Variants in CCDC171 observed in about 807,000 individuals in gnomAD.
CCDC171 encodes coiled-coil domain-containing protein 171.
A neutral mutation model predicts 168.2 loss-of-function variants in CCDC171; 177 were observed. The observed-to-expected ratio is 1.05, with a 90% CI of 0.93 to 1.19. The LOEUF (loss-of-function observed/expected upper bound fraction) is 1.19. Among genes scored for constraint, CCDC171 ranks in the 50% most tolerant of loss-of-function variants. CCDC171 has a pLI of 0.00. For missense variants in CCDC171, 1,991 were observed against 1,539.0 expected, an observed-to-expected ratio of 1.29 and a Z score of -4.91; for synonymous variants, 687 against 540.8, an observed-to-expected ratio of 1.27 and a Z score of -3.75.
chr9:16,019,987 C>T (rs752585784), intron 3 of CCDC171, among the ~76,000 whole-genome samples: 1 of 152,070 alleles, frequency 6.6e-6, no homozygotes, highest in Non-Finnish European at 1.5e-5. Context: ...TATAATAGTT[C>T]CCCTTTATCT....
intron 12 of CCDC171, among the ~76,000 whole-genome samples, 174 bp downstream of exon 12, chr9:15,722,049 T>C (rs937487207): frequency 4.6e-5 from 7 of 152,232 alleles, no homozygotes; most frequent in Non-Finnish European, 1.0e-4. Context: ...CCTAAAGTCA[T>C]GTCTCACTTA....
At chr9:15,846,498 A>G (rs1256110719) in intron 21 of CCDC171, among the ~76,000 whole-genome samples, 1 of 152,152 alleles carries the variant, frequency 6.6e-6, no homozygotes, top group African/African-American at 2.4e-5. Context: ...GTATTTTGTA[A>G]CAATTTCCCA....
intron 7 of CCDC171, among the ~76,000 whole-genome samples, chr9:15,651,040 C>G (rs2047473620): frequency 1.3e-5 from 2 of 152,116 alleles, no homozygotes; most frequent in African/African-American, 4.8e-5. Flanking sequence ...CCTCTGATAA[C>G]TATCCTAACT....
intron 10 of CCDC171, among the ~76,000 whole-genome samples, chr9:15,685,684 A>G (rs2050345495): frequency 6.6e-6 from 1 of 152,068 alleles, no homozygotes; most frequent in African/African-American, 2.4e-5. Flanking sequence ...AAACAAAACA[A>G]AATCCTGACA....
chr9:16,027,168 A>G lies in CCDC171; in HGVS notation n.998+4260A>G, dbSNP rs951413322. Among the ~76,000 whole-genome samples, 7 of 152,358 alleles carry G rather than the reference A, an allele frequency of 4.6e-5. No individual in the cohort carries two copies. The East Asian group carries it at 1.2e-3, about 25-fold the overall frequency. ...AATGAGCACAAATGTTTAATTAATC[A>G]GGAATCTTGTGCTTATTATCTTTTC... On this transcript the variant is annotated intron_variant and non_coding_transcript_variant, in intron 6 of 9. Transcript: ENST00000486641.
At chr9:15,748,402 G>A (rs1286670212) in intron 18 of CCDC171, among the ~76,000 whole-genome samples, 2 of 152,168 alleles carry the variant, frequency 1.3e-5, no homozygotes, top group South Asian at 2.1e-4. Context: ...ACGCTTTTCA[G>A]GATATTATCG....
chr9:15,624,809 A>G (rs544252953), intron 7 of CCDC171, among the ~76,000 whole-genome samples: 3 of 152,250 alleles, frequency 2.0e-5, no homozygotes, highest in East Asian at 3.9e-4. Flanking sequence ...ATGATTTATA[A>G]TCCTTTGGGT....
At chr9:15,810,243 A>T (rs2059280917) in intron 21 of CCDC171, among the ~76,000 whole-genome samples, 1 of 152,176 alleles carries the variant, frequency 6.6e-6, no homozygotes, top group Non-Finnish European at 1.5e-5. Context: ...CCTGAGCTAG[A>T]CACAGAGTGC....
intron 7 of CCDC171, among the ~76,000 whole-genome samples, chr9:15,640,293 C>T (rs2046503787): frequency 6.6e-6 from 1 of 152,016 alleles, no homozygotes; most frequent in Non-Finnish European, 1.5e-5. Flanking sequence ...TTTTACATGG[C>T]AGTTCCCGTG....
At chr9:15,947,255 A>T (rs914240924) in intron 25 of CCDC171, among the ~76,000 whole-genome samples, 3 of 151,986 alleles carry the variant, frequency 2.0e-5, no homozygotes, top group African/African-American at 7.2e-5. Flanking sequence ...AAAAACTTAT[A>T]GGGTGTTTGT....
At chr9:16,000,150 G>A (rs1832497088) in intron 3 of CCDC171, among the ~76,000 whole-genome samples, 1 of 152,118 alleles carries the variant, frequency 6.6e-6, no homozygotes, top group Non-Finnish European at 1.5e-5. Flanking sequence ...TGCATGCCCT[G>A]CTCCCCAACC....
chr9:16,086,361 G>A, the CCDC171 span, among the ~76,000 whole-genome samples: 4 of 149,782 alleles, frequency 2.7e-5, no homozygotes, highest in African/African-American at 7.4e-5. Flanking sequence ...AGGCTGGAGT[G>A]CAGTGGCACA....
chr9:16,066,261 G>A (rs1241520946), downstream of CCDC171, among the ~76,000 whole-genome samples: 5 of 152,094 alleles, frequency 3.3e-5, no homozygotes, highest in South Asian at 4.2e-4. Flanking sequence ...TGTCTGCTGC[G>A]TTGGGTTAAA....
At chr9:15,794,204 T>C (rs1211376377) in intron 21 of CCDC171, among the ~76,000 whole-genome samples, 3 of 152,088 alleles carry the variant, frequency 2.0e-5, no homozygotes, top group African/African-American at 7.2e-5. Flanking sequence ...GTGGCTCACG[T>C]CTGTAATCCC....
chr9:15,947,062 T>C lies in CCDC171; in HGVS notation c.3754-24547T>C, dbSNP rs186272669. ...ATTTAGAAACTAAAAAACATGATTC[T>C]AACAAGTCAAACTAAGTTGGGATTT... On this transcript the variant is annotated intron_variant, in intron 25 of 25. Transcript: ENST00000380701. 3.3e-5 allele frequency among the ~76,000 whole-genome samples: 5 copies of C among 152,146 alleles called. No individual in the cohort carries two copies. The East Asian group carries it at 5.9e-4, about 18-fold the overall frequency.
chr9:15,696,150 T>G (rs571067181), intron 11 of CCDC171, among the ~76,000 whole-genome samples: 4 of 152,156 alleles, frequency 2.6e-5, no homozygotes, highest in African/African-American at 4.8e-5. Context: ...CTCTTAAAAA[T>G]TGAGAAATTT....
At chr9:15,800,476 AGAGTTGTTT>A (rs1463133211) in intron 21 of CCDC171, among the ~76,000 whole-genome samples, 1 of 151,980 alleles carries the variant, frequency 6.6e-6, no homozygotes, top group Non-Finnish European at 1.5e-5. Context: ...TTTTTCCTAT[AGAGTTGTTT>A]GAGCTCCTTG....
At chr9:15,731,409 A>G (rs1438664021) in intron 16 of CCDC171, among the ~76,000 whole-genome samples, 2 of 152,134 alleles carry the variant, frequency 1.3e-5, no homozygotes, top group Admixed American at 1.3e-4. Flanking sequence ...CCTGTCATGT[A>G]GATTAGTTTT....
chr9:15,914,117 G>A (rs1238813259), intron 24 of CCDC171, among the ~76,000 whole-genome samples: 1 of 152,196 alleles, frequency 6.6e-6, no homozygotes, highest in African/African-American at 2.4e-5. Flanking sequence ...AGGATGCATG[G>A]GGGTCAGGGA....
Sources: allele counts gnomAD v4.1 joint callset (sites outside exome capture counted in the v4.1 genomes callset), GRCh38; gene constraint gnomAD v4.1.1; transcripts MANE v1.5; gene names NCBI Gene and HGNC (gene_info 2026-07-23, HGNC 2026-07-21).